The following SYNPR variants were observed in gnomAD, a reference collection of about 807,000 sequenced individuals.
SYNPR encodes synaptoporin.
In SYNPR, 23 loss-of-function variants were observed where a neutral mutation model predicts 32.9. The ratio of observed to expected loss-of-function variants is 0.70; its 90% CI spans 0.50 to 0.99. SYNPR has a LOEUF of 0.99. Among genes scored for constraint, SYNPR ranks in the 50% least tolerant of loss-of-function variants. The pLI is 0.00. For synonymous variants in SYNPR, 146 were observed against 135.9 expected (o/e 1.07, Z -0.52); for missense variants, 318 against 349.3 (o/e 0.91, Z 0.71).
intron 3 of SYNPR, among the ~76,000 whole-genome samples, chr3:63,484,312 T>A (rs528362305): frequency 2.2e-4 from 34 of 152,300 alleles, no homozygotes; most frequent in Admixed American, 1.8e-3. Flanking sequence ...ATATACTAAA[T>A]TTGGTATGAA....
At chr3:63,416,476 G>A (rs1359515112) in intron 2 of SYNPR, among the ~76,000 whole-genome samples, 2 of 147,350 alleles carry the variant, frequency 1.4e-5, no homozygotes, top group African/African-American at 5.0e-5. Context: ...AGGTTTCAGT[G>A]AGCTGAGATT....
Position 63,556,658 on chromosome 3 carries a change from G to A in SYNPR, c.325G>A (p.Ala109Thr), listed in dbSNP as rs771991181. Reference protein sequence around the residue: ...AEFFVTVAVFAFLYSLAATVV... With the variant: ...AEFFVTVAVFTFLYSLAATVV... Reference sequence around the variant, plus strand: ...GTTCTTCGTCACTGTTGCTGTCTTCGCCTTCCTCTACTCTTTGGCTGCCAC... The same window carrying A: ...GTTCTTCGTCACTGTTGCTGTCTTCACCTTCCTCTACTCTTTGGCTGCCAC... The change falls in exon 4 of 6, where the codon GCC (alanine) becomes ACC (threonine). Residue 109 changes from alanine to threonine, a missense_variant. Coordinates refer to ENST00000478300, the MANE Select transcript of SYNPR (RefSeq NM_001130003.2). The A allele has an allele frequency of 5.6e-6, 9 of 1,613,602 alleles. No homozygotes were observed. Among genetic ancestry groups the A allele is most frequent in the Non-Finnish European group, 7.6e-6 (9 of 1,179,772 alleles).
intron 2 of SYNPR, among the ~76,000 whole-genome samples, chr3:63,426,963 C>T (rs976038204): frequency 3.3e-5 from 5 of 152,062 alleles, no homozygotes; most frequent in Admixed American, 6.5e-5. Flanking sequence ...AAAACTATGT[C>T]GAGCCTTGTA....
At chr3:63,309,249 C>T (rs988190056) in intron 2 of SYNPR, among the ~76,000 whole-genome samples, 3 of 151,998 alleles carry the variant, frequency 2.0e-5, no homozygotes, top group African/African-American at 7.2e-5. Context: ...CATTCTTGAA[C>T]ATCTGTAATA....
chr3:63,328,359 G>A (rs1369781213), intron 2 of SYNPR, among the ~76,000 whole-genome samples: 2 of 152,142 alleles, frequency 1.3e-5, no homozygotes, highest in African/African-American at 4.8e-5. Context: ...GACCTGTTTA[G>A]CATTGCTAGC....
At chr3:63,455,574 C>T (rs143039160) in intron 2 of SYNPR, among the ~76,000 whole-genome samples, 68 of 152,160 alleles carry the variant, frequency 4.5e-4, no homozygotes, top group Middle Eastern at 3.4e-3. Flanking sequence ...ATACAAATAG[C>T]TAAAGTGGTA....
At chr3:63,210,528 C>T in the SYNPR span, among the ~76,000 whole-genome samples, 1 of 152,210 alleles carries the variant, frequency 6.6e-6, no homozygotes, top group Non-Finnish European at 1.5e-5. Context: ...GTTGGTTGGT[C>T]TGGTTTCCTA....
chr3:63,236,243 T>A (rs1245077906), intron 1 of SYNPR, among the ~76,000 whole-genome samples: 1 of 152,108 alleles, frequency 6.6e-6, no homozygotes, highest in Non-Finnish European at 1.5e-5. Flanking sequence ...TACATCAGTC[T>A]CTCTACCAAT....
At chr3:63,375,513 C>T (rs2087877423) in intron 2 of SYNPR, among the ~76,000 whole-genome samples, 1 of 151,990 alleles carries the variant, frequency 6.6e-6, no homozygotes, top group Non-Finnish European at 1.5e-5. Flanking sequence ...TAGGTGGGAA[C>T]TGAAGAATGA....
At chr3:63,525,235 T>C (rs1701990664) in intron 3 of SYNPR, among the ~76,000 whole-genome samples, 1 of 152,146 alleles carries the variant, frequency 6.6e-6, no homozygotes, top group South Asian at 2.1e-4. Flanking sequence ...CCCCTGATTT[T>C]TTTCTTCTGT....
At chr3:63,531,233 TG>T (rs1162387571) in intron 3 of SYNPR, among the ~76,000 whole-genome samples, 1 of 152,118 alleles carries the variant, frequency 6.6e-6, no homozygotes, top group African/African-American at 2.4e-5. Flanking sequence ...CATCACAAAC[TG>T]GGTGGTTTAA....
At chr3:63,510,454 G>A (rs1701674500) in intron 3 of SYNPR, among the ~76,000 whole-genome samples, 1 of 152,144 alleles carries the variant, frequency 6.6e-6, no homozygotes, top group Non-Finnish European at 1.5e-5. Flanking sequence ...ACAGCATTCT[G>A]AACCAACAGT....
intron 2 of SYNPR, among the ~76,000 whole-genome samples, chr3:63,370,667 T>A (rs2087801098): frequency 6.6e-6 from 1 of 152,224 alleles, no homozygotes; most frequent in Non-Finnish European, 1.5e-5. Flanking sequence ...TCTAGATGGA[T>A]CTCTCAGCAC....
chr3:63,393,496 C>CTTTTTTTTT lies in SYNPR; in HGVS notation c.85-87323_85-87315dup, dbSNP rs71631152. The stretch of plus-strand genomic sequence containing the variant: ...CCTTCCTTCCTTCTTTCTTTCTTCT[C>CTTTTTTTTT]TTTTTTTTTTTTTTTTTTTTTGACA... On this transcript the variant is annotated intron_variant, in intron 2 of 5. Coordinates refer to ENST00000478300, the MANE Select transcript of SYNPR (RefSeq NM_001130003.2). Among the ~76,000 whole-genome samples, 176 of 84,500 alleles carry CTTTTTTTTT rather than the reference C, an allele frequency of 2.1e-3. 3 individuals are homozygous for CTTTTTTTTT. The East Asian group carries it at 0.022, about 11-fold the overall frequency. 55.4% of individuals were successfully genotyped at this position (84,500 alleles called of 152,430 possible). A position where few individuals can be genotyped will look rare whatever the true frequency, so the allele number is the denominator to read the frequency against.
chr3:63,436,996 C>G (rs918181115), intron 2 of SYNPR, among the ~76,000 whole-genome samples: 1 of 152,170 alleles, frequency 6.6e-6, no homozygotes, highest in Non-Finnish European at 1.5e-5. Flanking sequence ...CCTGCCTCAG[C>G]CTCCTGAGTA....
intron 2 of SYNPR, among the ~76,000 whole-genome samples, chr3:63,421,492 AT>A (rs1699797586): frequency 6.6e-6 from 1 of 151,606 alleles, no homozygotes; most frequent in African/African-American, 2.4e-5. Flanking sequence ...CAGACTAAAT[AT>A]ATATATATAA....
At chr3:63,494,406 T>TATATATACAC (rs1553641140) in intron 3 of SYNPR, among the ~76,000 whole-genome samples, 3 of 118,680 alleles carry the variant, frequency 2.5e-5, no homozygotes, top group African/African-American at 1.1e-4. Flanking sequence ...TATATATATA[T>TATATATACAC]ATATATATAT....
At chr3:63,507,895 TAA>T (rs1701620244) in intron 3 of SYNPR, among the ~76,000 whole-genome samples, 1 of 151,506 alleles carries the variant, frequency 6.6e-6, no homozygotes, top group African/African-American at 2.4e-5. Context: ...GCCATGGATA[TAA>T]GTCACAGGTA....
intron 2 of SYNPR, among the ~76,000 whole-genome samples, chr3:63,385,375 TA>T (rs1212282012): frequency 6.6e-6 from 1 of 152,178 alleles, no homozygotes; most frequent in African/African-American, 2.4e-5. Context: ...AAAAAACATT[TA>T]AAAAATAATT....
Sources: allele counts gnomAD v4.1 joint callset (sites outside exome capture counted in the v4.1 genomes callset), GRCh38; gene constraint gnomAD v4.1.1; transcripts MANE v1.5; gene names NCBI Gene and HGNC (gene_info 2026-07-23, HGNC 2026-07-21).